COLEC11: variants seen among roughly 807,000 people sequenced by gnomAD.
COLEC11 encodes collectin subfamily member 11.
A neutral mutation model predicts 27.3 loss-of-function variants in COLEC11; 20 were observed. The ratio of observed to expected loss-of-function variants is 0.73; its 90% confidence interval spans 0.51 to 1.06. The LOEUF (loss-of-function observed/expected upper bound fraction) is 1.06. COLEC11 is among the 50% of genes least tolerant of loss of function. The probability of loss-of-function intolerance (pLI) is 0.00; values close to 1 mark genes in which losing one functional copy is unlikely to be tolerated. For synonymous variants in COLEC11, 163 were observed against 154.7 expected (o/e 1.05, Z -0.40); for missense variants, 310 against 383.0 (o/e 0.81, Z 1.59).
At chr2:3,626,039 C>T (rs1664530185) in intron 3 of COLEC11, 1 of 1,614,078 alleles carries the variant, frequency 6.2e-7, no homozygotes, top group African/African-American at 1.3e-5. Flanking sequence ...GTGACAGCTT[C>T]TGACATCTCC....
rs189191610 is a variant in COLEC11, at chr2:3,625,233, G to A, written c.202+11851G>A. Among the ~76,000 whole-genome samples the A allele has an allele frequency of 5.1e-4, 77 of 152,192 alleles. 1 individual carries two copies. Among genetic ancestry groups the A allele is most frequent in the Admixed American group, 3.7e-3 (56 of 15,288 alleles). ...GTGGCAGCAGGCTTTTTCAGGCTCC[G>A]AGGCCTGTCCCCACTGATGTTCAGG... On this transcript the variant is annotated intron_variant, in intron 3 of 6. Transcript: ENST00000349077.
chr2:3,595,219 A>C (rs945465372), intron 1 of COLEC11, 51 bp downstream of exon 1: 8 of 215,214 alleles, frequency 3.7e-5, no homozygotes, highest in South Asian at 1.0e-4. Flanking sequence ...GGGCTATGAC[A>C]GTGCAGAGGG....
chr2:3,641,150 G>T, intron 5 of COLEC11: 1 of 1,198,396 alleles, frequency 8.3e-7, no homozygotes, highest in South Asian at 1.3e-5. Context: ...ATCCCATTCG[G>T]AAGGTGCTTT....
chr2:3,644,214 C>T lies in COLEC11; in HGVS notation c.*96C>T, dbSNP rs748116580. ...CATGGTGCCAGCCAGGGAGCTGTCC[C>T]TCTGTGAAGGGTGGAGGCTCACTGA... is the stretch of plus-strand genomic sequence containing the variant. On this transcript the variant is annotated 3_prime_UTR_variant, in exon 7 of 7. Coordinates refer to ENST00000349077, the MANE Select transcript of COLEC11 (RefSeq NM_024027.5). 1 of 1,502,476 alleles carries T rather than the reference C, an allele frequency of 6.7e-7. No individual in the cohort carries two copies. The highest frequency in any genetic ancestry group is 1.1e-5 in the South Asian group (1 of 88,166). The allele number at this position is 1,502,476 out of a possible 1,614,324, so 93.1% of individuals were successfully genotyped here.
chr2:3,595,195 C>T, intron 1 of COLEC11, 27 bp downstream of exon 1: 1 of 311,462 alleles, frequency 3.2e-6, no homozygotes, highest in South Asian at 2.5e-5. Flanking sequence ...GGGGCTGCAG[C>T]TGAGGGTTTC....
intron 5 of COLEC11, among the ~76,000 whole-genome samples, chr2:3,641,778 C>T (rs1378007311): frequency 1.3e-5 from 2 of 152,246 alleles, no homozygotes; most frequent in South Asian, 2.1e-4. Flanking sequence ...TGATTGCCGA[C>T]GTCCAGAAAG....
intron 3 of COLEC11, among the ~76,000 whole-genome samples, chr2:3,631,355 A>C (rs1244674876): frequency 1.3e-5 from 2 of 152,246 alleles, no homozygotes; most frequent in East Asian, 3.8e-4. Flanking sequence ...TGCTCAAGGC[A>C]TTTTGCTTGT....
intron 3 of COLEC11, chr2:3,617,450 A>G: frequency 1.6e-6 from 2 of 1,251,476 alleles, no homozygotes; most frequent in South Asian, 2.4e-5. Flanking sequence ...AACTTGATCC[A>G]ATCTCTTTGC....
intron 1 of COLEC11, among the ~76,000 whole-genome samples, chr2:3,595,536 G>C (rs889701851): frequency 6.6e-6 from 1 of 152,164 alleles, no homozygotes; most frequent in African/African-American, 2.4e-5. Context: ...ACAACCTGAC[G>C]ATTGTTCCTG....
intron 2 of COLEC11, chr2:3,606,272 G>A: frequency 6.5e-7 from 1 of 1,538,596 alleles, no homozygotes; most frequent in Non-Finnish European, 8.8e-7. Flanking sequence ...TGGGGGCCGT[G>A]GGGTGGGCTC....
chr2:3,616,164 C>T lies in COLEC11; in HGVS notation c.202+2782C>T, dbSNP rs550434549. Reference sequence around the variant, plus strand: ...GGCGCTCCTCACATCCCAGACAGGGCGGCGGGGCAGAGGCGCTCCCCACAT... The same window carrying T: ...GGCGCTCCTCACATCCCAGACAGGGTGGCGGGGCAGAGGCGCTCCCCACAT... On this transcript the variant is annotated intron_variant, in intron 3 of 6. Coordinates refer to ENST00000349077, the MANE Select transcript of COLEC11 (RefSeq NM_024027.5). Among the ~76,000 whole-genome samples the T allele has an allele frequency of 3.6e-3, 535 of 147,194 alleles. 12 individuals carry two copies. Among genetic ancestry groups the T allele is most frequent in the African/African-American group, 0.013 (502 of 38,698 alleles).
At chr2:3,604,653 G>T (rs1421434819) in intron 2 of COLEC11, among the ~76,000 whole-genome samples, 183 bp downstream of exon 2, 1 of 152,148 alleles carries the variant, frequency 6.6e-6, no homozygotes, top group Non-Finnish European at 1.5e-5. Flanking sequence ...AACTGTCTTC[G>T]GCCATGGAAT....
At chr2:3,631,233 A>T (rs763164153) in intron 3 of COLEC11, among the ~76,000 whole-genome samples, 2 of 152,148 alleles carry the variant, frequency 1.3e-5, no homozygotes, top group Non-Finnish European at 2.9e-5. Flanking sequence ...TCTGTATCAA[A>T]AAAAAAAGAA....
chr2:3,603,733 C>T, intron 1 of COLEC11: 1 of 1,478,488 alleles, frequency 6.8e-7, no homozygotes, highest in Non-Finnish European at 9.2e-7. Flanking sequence ...GCTCGGCCCC[C>T]ACCTCCCCAG....
At chr2:3,632,865 C>T (rs1362162410) in intron 3 of COLEC11, among the ~76,000 whole-genome samples, 1 of 151,468 alleles carries the variant, frequency 6.6e-6, no homozygotes, top group African/African-American at 2.4e-5. Flanking sequence ...AAAGTCCCAG[C>T]CCTAGGAACG....
chr2:3,630,119 G>A (rs1056872303), intron 3 of COLEC11, among the ~76,000 whole-genome samples: 1 of 72,980 alleles, frequency 1.4e-5, no homozygotes, highest in African/African-American at 5.8e-5. Flanking sequence ...ATGTGGAGGT[G>A]AATGCACATC....
At chr2:3,600,293 A>G (rs1239883092) in intron 1 of COLEC11, among the ~76,000 whole-genome samples, 2 of 151,336 alleles carry the variant, frequency 1.3e-5, no homozygotes, top group East Asian at 1.9e-4. Context: ...AGTGGCTCAC[A>G]CCTGTAGTCC....
intron 2 of COLEC11, among the ~76,000 whole-genome samples, chr2:3,607,762 T>G (rs4850065): frequency 0.74 from 112,040 of 151,810 alleles, 41,457 homozygotes; most frequent in South Asian, 0.89. Context: ...CAAATTAATT[T>G]TAAAATCATT....
At chr2:3,627,064 G>A (rs775716347) in intron 3 of COLEC11, among the ~76,000 whole-genome samples, 79 of 152,186 alleles carry the variant, frequency 5.2e-4, no homozygotes, top group Non-Finnish European at 9.7e-4. Context: ...TGCAGCGGGG[G>A]CACAGTGGCA....
Sources: gnomAD v4.1 joint callset for allele counts (sites outside exome capture counted in the v4.1 genomes callset) on GRCh38, gnomAD v4.1.1 for gene constraint, MANE v1.5 for transcripts, NCBI Gene and HGNC (gene_info 2026-07-23, HGNC 2026-07-21) for gene names.